Variants in EML6 observed in about 807,000 individuals in gnomAD.
EML6 encodes the protein echinoderm microtubule-associated protein-like 6.
EML6 carries 154 observed loss-of-function variants against 240.1 expected under a neutral mutation model. The ratio of observed to expected loss-of-function variants is 0.64; its 90% CI spans 0.56 to 0.73. The LOEUF (loss-of-function observed/expected upper bound fraction) is 0.73, where lower values mean the gene tolerates loss of function less well. Ranked by LOEUF, EML6 falls within the 30% of genes least tolerant of loss-of-function variation. EML6 has a pLI of 0.00. For synonymous variants in EML6, 1,148 were observed against 899.0 expected, an observed-to-expected ratio of 1.28 and a Z score of -4.95; for missense variants, 2,964 against 2,474.6, an observed-to-expected ratio of 1.20 and a Z score of -4.20.
At chr2:54,828,231 G>T (rs1337668491) in intron 6 of EML6, among the ~76,000 whole-genome samples, 1 of 152,164 alleles carries the variant, frequency 6.6e-6, no homozygotes, top group African/African-American at 2.4e-5. Context: ...AGGTGCCAGG[G>T]TGTCACCTCC....
rs550904890 is a variant in EML6, at chr2:54,906,365, G to A, written c.3409+2863G>A. 8.5e-4 allele frequency among the ~76,000 whole-genome samples: 129 copies of A among 152,290 alleles called. 2 individuals carry two copies. The highest frequency in any genetic ancestry group is 3.0e-3 in the African/African-American group (125 of 41,552). On this transcript the variant is annotated intron_variant, in intron 24 of 41. Coordinates refer to ENST00000356458, the MANE Select transcript of EML6 (RefSeq NM_001039753.4). ...TCCCAGATAGAAAGCACAAGATCTC[G>A]GCCAGGATCAGGGGGATGCTGCTGT...
At chr2:54,923,684 A>G (rs1353001648) in intron 26 of EML6, among the ~76,000 whole-genome samples, 1 of 152,106 alleles carries the variant, frequency 6.6e-6, no homozygotes, top group East Asian at 1.9e-4. Flanking sequence ...TCAGTGTTCC[A>G]TTTGATAAGC....
chr2:54,853,020 A>G (rs1030768570), intron 10 of EML6, among the ~76,000 whole-genome samples: 2 of 152,212 alleles, frequency 1.3e-5, no homozygotes, highest in Non-Finnish European at 2.9e-5. Context: ...ATTTCATCAT[A>G]ATCTTGTAGA....
intron 2 of EML6, among the ~76,000 whole-genome samples, chr2:54,810,616 T>C (rs78546761): frequency 0.012 from 1,814 of 152,318 alleles, 31 homozygotes; most frequent in African/African-American, 0.042. Flanking sequence ...AGGGGAAATA[T>C]GCTCATTCTT....
Position 54,903,154 on chromosome 2 carries a change from C to T in EML6, c.3235C>T (p.His1079Tyr). Residue 1079 changes from histidine (H) to tyrosine (Y), a missense_variant, in exon 23 of 42, where the codon CAT becomes TAT. Transcript: ENST00000356458. ...CACTGTTGAAGACATGGTCTCTTTC[C>T]ATCACAGAAAAGAAATGATCTCTGA... is the stretch of plus-strand genomic sequence containing the variant. ...ADTVEDMVSF[H>Y]HRKEMISDIK... 3 of 1,551,928 alleles carry T rather than the reference C, an allele frequency of 1.9e-6. No homozygotes were observed. The highest frequency in any genetic ancestry group is 2.4e-5 in the South Asian group (2 of 84,054).
intron 8 of EML6, among the ~76,000 whole-genome samples, chr2:54,844,702 A>G (rs1292918664): frequency 6.6e-6 from 1 of 152,200 alleles, no homozygotes; most frequent in Non-Finnish European, 1.5e-5. Flanking sequence ...ATTTCTTTTT[A>G]AAGTCTCAGA....
chr2:54,781,527 A>T (rs1668856749), intron 2 of EML6, among the ~76,000 whole-genome samples: 2 of 152,280 alleles, frequency 1.3e-5, no homozygotes, highest in African/African-American at 4.8e-5. Context: ...TTGAAATCTA[A>T]TTGTATCTAG....
At chr2:54,965,485 C>T (rs975659946) in intron 38 of EML6, among the ~76,000 whole-genome samples, 4 of 152,206 alleles carry the variant, frequency 2.6e-5, no homozygotes, top group Non-Finnish European at 4.4e-5. Flanking sequence ...AAGAGTAATT[C>T]ACGCAGAGCT....
At chr2:54,961,267 C>T (rs1261922120) in intron 35 of EML6, among the ~76,000 whole-genome samples, 3 of 143,120 alleles carry the variant, frequency 2.1e-5, no homozygotes, top group Non-Finnish European at 3.0e-5. Context: ...TCACTGCAAC[C>T]TATACCTCTT....
Position 54,970,280 on chromosome 2 carries a change from G to C in EML6, c.*185G>C. 1 of 635,164 alleles carries C rather than the reference G, an allele frequency of 1.6e-6. No individual in the cohort carries two copies. The highest frequency in any genetic ancestry group is 2.8e-6 in the Non-Finnish European group (1 of 360,080). The allele number at this position is 635,164 out of a possible 1,614,324, so 39.3% of individuals were successfully genotyped here. A position where few individuals can be genotyped will look rare whatever the true frequency, so the allele number is the denominator to read the frequency against. On this transcript the variant is annotated 3_prime_UTR_variant, in exon 42 of 42. Transcript: ENST00000356458. Reference sequence around the variant, plus strand: ...CATAATCTGGACTCTCCAAAACCGTGATGCCACGAAGGAAGGTCAAGTTTT... The same window carrying C: ...CATAATCTGGACTCTCCAAAACCGTCATGCCACGAAGGAAGGTCAAGTTTT...
intron 25 of EML6, among the ~76,000 whole-genome samples, chr2:54,912,484 G>A (rs952315430): frequency 1.3e-5 from 2 of 152,118 alleles, no homozygotes; most frequent in African/African-American, 4.8e-5. Context: ...ATGACACTGA[G>A]GACTGGCATA....
chr2:54,825,703 G>A (rs567203225), intron 5 of EML6, among the ~76,000 whole-genome samples: 1 of 152,146 alleles, frequency 6.6e-6, no homozygotes, highest in East Asian at 1.9e-4. Context: ...TCTTGCCAAG[G>A]CATCCCTCTA....
intron 2 of EML6, among the ~76,000 whole-genome samples, chr2:54,743,361 C>A (rs966123968): frequency 2.0e-5 from 3 of 152,156 alleles, no homozygotes; most frequent in African/African-American, 2.4e-5. Flanking sequence ...TGACAGTGGC[C>A]CTGGCCAGGA....
At position 54,846,468 on chromosome 2, in the gene EML6, G is replaced by C. The variant is rs190882733; in HGVS notation, c.1050-1018G>C. 3.6e-3 allele frequency among the ~76,000 whole-genome samples: 503 copies of C among 139,398 alleles called. 2 individuals are homozygous for C. The highest frequency in any genetic ancestry group is 7.2e-3 in the Middle Eastern group (2 of 278). The allele number at this position is 139,398 out of a possible 152,430, so 91.5% of individuals were successfully genotyped here. On this transcript the variant is annotated intron_variant, in intron 8 of 41. Coordinates refer to ENST00000356458, the MANE Select transcript of EML6 (RefSeq NM_001039753.4). ...TGATATATATTTATATTGAGAAAGA[G>C]ATATATTGATACATAATTTTTTTTT...
Position 54,935,079 on chromosome 2 carries a change from C to T in EML6, c.4004+6328C>T, listed in dbSNP as rs113425364. On this transcript the variant is annotated intron_variant, in intron 28 of 41. Coordinates refer to ENST00000356458, the MANE Select transcript of EML6 (RefSeq NM_001039753.4). ...AAGGAATATTATAACCTTTTGTAGG[C>T]TCAACAAATTTTCATTAATGGTTTG... 6.6e-3 allele frequency among the ~76,000 whole-genome samples: 1,002 copies of T among 152,218 alleles called. 11 individuals carry two copies. Among genetic ancestry groups the T allele is most frequent in the African/African-American group, 0.023 (960 of 41,516 alleles).
chr2:54,820,559 AT>A (rs1023884529), intron 5 of EML6, 97 bp downstream of exon 5: 23 of 729,972 alleles, frequency 3.2e-5, no homozygotes, highest in Admixed American at 6.1e-5. Context: ...TAGACTTTAC[AT>A]TTTTTTTCTT....
chr2:54,914,897 G>A (rs1259879814), intron 25 of EML6, among the ~76,000 whole-genome samples: 1 of 152,026 alleles, frequency 6.6e-6, no homozygotes. Context: ...GATACAAATG[G>A]TACAGTTAAA....
At chr2:54,879,905 C>A (rs1301106182) in intron 17 of EML6, 2 of 410,518 alleles carry the variant, frequency 4.9e-6, no homozygotes, top group East Asian at 8.6e-5. Context: ...TCTGTGTAAT[C>A]TGTATCAAAG....
intron 25 of EML6, among the ~76,000 whole-genome samples, chr2:54,912,015 G>A (rs1460211076): frequency 1.3e-5 from 2 of 152,238 alleles, no homozygotes; most frequent in Non-Finnish European, 2.9e-5. Context: ...AGAGGAAAAG[G>A]AGGTAAGGGT....
Sources: allele counts gnomAD v4.1 joint callset (sites outside exome capture counted in the v4.1 genomes callset), GRCh38; gene constraint gnomAD v4.1.1; transcripts MANE v1.5; gene names NCBI Gene and HGNC (gene_info 2026-07-23, HGNC 2026-07-21).